ADCY8: variants seen among roughly 807,000 people sequenced by gnomAD.
The protein encoded by ADCY8 is adenylate cyclase type 8.
A neutral mutation model predicts 119.7 loss-of-function variants in ADCY8; 51 were observed. The observed-to-expected ratio is 0.43, with a 90% CI of 0.34 to 0.54. The LOEUF is 0.54. Ranked by LOEUF, ADCY8 falls within the 20% of genes least tolerant of loss-of-function variation. ADCY8 has a pLI of 0.03. For synonymous variants in ADCY8, 665 were observed against 651.0 expected, an observed-to-expected ratio of 1.02 and a Z score of -0.33; for missense variants, 1,383 against 1,598.8, an observed-to-expected ratio of 0.87 and a Z score of 2.30.
chr8:130,828,079 G>A (rs1440105135), intron 12 of ADCY8, among the ~76,000 whole-genome samples: 2 of 152,084 alleles, frequency 1.3e-5, no homozygotes, highest in African/African-American at 2.4e-5. Context: ...TAACCCCCGG[G>A]GTTATCCAAA....
At chr8:131,038,171 T>C (rs986015578) in intron 1 of ADCY8, among the ~76,000 whole-genome samples, 4 of 152,206 alleles carry the variant, frequency 2.6e-5, no homozygotes, top group Admixed American at 6.5e-5. Context: ...CTAACAGTGC[T>C]GGCAATCTAA....
At chr8:130,992,416 T>TGCCTGGA (rs762268345) in intron 1 of ADCY8, among the ~76,000 whole-genome samples, 1 of 127,490 alleles carries the variant, frequency 7.8e-6, no homozygotes, top group Non-Finnish European at 1.6e-5. Flanking sequence ...TATATATATA[T>TGCCTGGA]ATATATATAT....
chr8:130,958,818 A>G (rs1331851345), intron 2 of ADCY8, among the ~76,000 whole-genome samples: 1 of 151,370 alleles, frequency 6.6e-6, no homozygotes, highest in Non-Finnish European at 1.5e-5. Flanking sequence ...TGTTTTATTT[A>G]TTTTTTCTTT....
chr8:130,906,601 G>A (rs959986071), intron 6 of ADCY8, among the ~76,000 whole-genome samples: 1 of 152,070 alleles, frequency 6.6e-6, no homozygotes, highest in African/African-American at 2.4e-5. Flanking sequence ...ACTAACTTGA[G>A]CTTTGGGGTA....
At chr8:131,002,012 C>T (rs1178173509) in intron 1 of ADCY8, among the ~76,000 whole-genome samples, 3 of 152,160 alleles carry the variant, frequency 2.0e-5, no homozygotes, top group Non-Finnish European at 2.9e-5. Context: ...AGTGGATACT[C>T]AAAGTGTGAT....
At chr8:130,945,858 A>T (rs1821091656) in intron 3 of ADCY8, among the ~76,000 whole-genome samples, 1 of 152,198 alleles carries the variant, frequency 6.6e-6, no homozygotes, top group Non-Finnish European at 1.5e-5. Context: ...GTATTCACTC[A>T]TTTATTCCAT....
rs571734070 is a variant in ADCY8, at chr8:130,939,056, A to G, written c.1354-1856T>C. On this transcript the variant is annotated intron_variant, in intron 4 of 17. Transcript: ENST00000286355. ...GTGGAGTCAGTGGGACTGTTATGGA[A>G]AAAGAAATCAGAGGGTTTAGAGATG... Among the ~76,000 whole-genome samples the G allele has an allele frequency of 8.3e-4, 127 of 152,236 alleles. 1 individual carries two copies. Among genetic ancestry groups the G allele is most frequent in the African/African-American group, 3.0e-3 (126 of 41,538 alleles).
intron 7 of ADCY8, among the ~76,000 whole-genome samples, chr8:130,890,216 G>C (rs918317976): frequency 1.1e-4 from 16 of 140,528 alleles, no homozygotes; most frequent in Non-Finnish European, 1.9e-4. Flanking sequence ...TCAGGGGAGT[G>C]GGGAGGGATA....
At chr8:130,893,157 C>T (rs189514424) in intron 7 of ADCY8, among the ~76,000 whole-genome samples, 1 of 152,266 alleles carries the variant, frequency 6.6e-6, no homozygotes, top group East Asian at 1.9e-4. Flanking sequence ...TCATTTAGAT[C>T]CGACCACTTT....
At chr8:130,823,761 G>A (rs1347827673) in intron 12 of ADCY8, among the ~76,000 whole-genome samples, 1 of 152,018 alleles carries the variant, frequency 6.6e-6, no homozygotes, top group Non-Finnish European at 1.5e-5. Flanking sequence ...TTGCCCTTAA[G>A]CCTACCACCC....
rs1346452435 is a variant in ADCY8 at position 130,780,365 on chromosome 8, A to AG, written c.*24_*25insC. Reference sequence around the variant, plus strand: ...ATTTTATATATAAAAGAAATACAAAAAAAAAAAACAGAAAGAAAATGCTTT... The same window carrying AG: ...ATTTTATATATAAAAGAAATACAAAAGAAAAAAAACAGAAAGAAAATGCTTT... On this transcript the variant is annotated 3_prime_UTR_variant, in exon 18 of 18. Coordinates refer to ENST00000286355, the MANE Select transcript of ADCY8 (RefSeq NM_001115.3). 7.2e-7 allele frequency: 1 copy of AG among 1,396,888 alleles called. No individual in the cohort carries two copies. The highest frequency in any genetic ancestry group is 2.5e-5 in the East Asian group (1 of 40,100). 86.5% of individuals were successfully genotyped at this position (1,396,888 alleles called of 1,614,324 possible).
At chr8:130,976,777 C>A (rs569391837) in intron 2 of ADCY8, among the ~76,000 whole-genome samples, 14 of 152,272 alleles carry the variant, frequency 9.2e-5, no homozygotes, top group Admixed American at 2.6e-4. Context: ...TTGCTTGCAG[C>A]ATTCTCAGGA....
At chr8:131,009,869 G>T (rs904537350) in intron 1 of ADCY8, among the ~76,000 whole-genome samples, 1 of 152,198 alleles carries the variant, frequency 6.6e-6, no homozygotes, top group African/African-American at 2.4e-5. Context: ...AGCATTTGGG[G>T]AGGTAAAAAA....
chr8:130,809,675 C>T (rs866393373), intron 14 of ADCY8, among the ~76,000 whole-genome samples: 2 of 152,164 alleles, frequency 1.3e-5, no homozygotes, highest in African/African-American at 2.4e-5. Context: ...CCAAATCACA[C>T]GCTAGTAAGT....
At chr8:130,813,788 CATACATATAT>C (rs982458871) in intron 14 of ADCY8, among the ~76,000 whole-genome samples, 1 of 152,042 alleles carries the variant, frequency 6.6e-6, no homozygotes, top group Non-Finnish European at 1.5e-5. Flanking sequence ...CGTACATACA[CATACATATAT>C]ATACATATAT....
intron 7 of ADCY8, among the ~76,000 whole-genome samples, chr8:130,898,976 C>T (rs1240982357): frequency 6.6e-6 from 1 of 152,196 alleles, no homozygotes; most frequent in African/African-American, 2.4e-5. Flanking sequence ...TAAAATACAT[C>T]AACAAAGCTT....
At chr8:130,847,359 T>G (rs1817363221) in intron 11 of ADCY8, 65 bp downstream of exon 11, 1 of 1,237,160 alleles carries the variant, frequency 8.1e-7, no homozygotes, top group Non-Finnish European at 1.2e-6. Context: ...CAGTCTTGTT[T>G]ATTTGGAGCT....
intron 1 of ADCY8, among the ~76,000 whole-genome samples, chr8:131,008,818 G>T (rs190678519): frequency 3.9e-4 from 59 of 152,270 alleles, no homozygotes; most frequent in African/African-American, 1.4e-3. Context: ...GGACAATGAA[G>T]TCCAGGATGA....
At chr8:130,868,976 A>G (rs890945269) in intron 8 of ADCY8, among the ~76,000 whole-genome samples, 2 of 152,170 alleles carry the variant, frequency 1.3e-5, no homozygotes, top group Non-Finnish European at 2.9e-5. Context: ...TGTTGTTGGT[A>G]TGGTGTTTGC....
Sources: gnomAD v4.1 joint callset for allele counts (sites outside exome capture counted in the v4.1 genomes callset) on GRCh38, gnomAD v4.1.1 for gene constraint, MANE v1.5 for transcripts, NCBI Gene and HGNC (gene_info 2026-07-23, HGNC 2026-07-21) for gene names.